PRKD2: variants seen among roughly 807,000 people sequenced by gnomAD.
The protein encoded by PRKD2 is protein kinase D2.
PRKD2 carries 22 observed loss-of-function variants against 86.0 expected under a neutral mutation model. The ratio of observed to expected loss-of-function variants is 0.26; its 90% confidence interval spans 0.18 to 0.37. The LOEUF (loss-of-function observed/expected upper bound fraction) is 0.37. PRKD2 is among the 10% of genes least tolerant of loss of function. The probability of loss-of-function intolerance (pLI) is 1.00; values close to 1 mark genes in which losing one functional copy is unlikely to be tolerated. For missense variants in PRKD2, 818 were observed against 1,199.2 expected, an observed-to-expected ratio of 0.68 and a Z score of 4.70; for synonymous variants, 509 against 510.9, an observed-to-expected ratio of 1.00 and a Z score of 0.05.
Position 46,704,525 on chromosome 19 carries a change from G to C in PRKD2, c.636C>G (p.Ser212=), listed in dbSNP as rs368413652. The C allele has an allele frequency of 1.2e-6, 2 of 1,614,144 alleles. No homozygotes were observed. Among genetic ancestry groups the C allele is most frequent in the East Asian group, 2.2e-5 (1 of 44,878 alleles). The change falls in exon 4 of 18, where the codon TCC becomes TCG. Residue 212 remains serine, a synonymous_variant. Transcript: ENST00000291281. ...ASGHSVRLGT[S]ESLPCTAEEL... is the part of the protein sequence containing the mutation. ...CTTCAGCCGTGCAGGGCAGGGACTC[G>C]GAGGTGCCGAGGCGCACCGAGTGGC...
intron 14 of PRKD2, among the ~76,000 whole-genome samples, chr19:46,682,733 T>G (rs1437018207): frequency 4.9e-5 from 7 of 144,246 alleles, no homozygotes; most frequent in Admixed American, 1.4e-4. Context: ...TGAGACAGAG[T>G]CTTGCTCTGT....
chr19:46,711,342 G>A (rs2053806374), intron 2 of PRKD2, among the ~76,000 whole-genome samples: 1 of 152,228 alleles, frequency 6.6e-6, no homozygotes, highest in Non-Finnish European at 1.5e-5. Flanking sequence ...AACAGTGTGC[G>A]TGAACTTTAA....
chr19:46,683,690 C>A (rs1250065551), intron 14 of PRKD2, among the ~76,000 whole-genome samples: 1 of 152,024 alleles, frequency 6.6e-6, no homozygotes, highest in Non-Finnish European at 1.5e-5. Flanking sequence ...TGCACTCCAG[C>A]CTGGGCGACA....
chr19:46,677,908 C>G (rs1017682520), intron 16 of PRKD2, among the ~76,000 whole-genome samples: 7 of 152,186 alleles, frequency 4.6e-5, no homozygotes, highest in African/African-American at 1.4e-4. Context: ...AAGTCACGGC[C>G]CCAGTACACA....
intron 14 of PRKD2, among the ~76,000 whole-genome samples, chr19:46,684,537 G>A (rs1011779274): frequency 2.6e-5 from 4 of 152,156 alleles, no homozygotes; most frequent in African/African-American, 9.6e-5. Flanking sequence ...GGCCAGGCTG[G>A]TCTCAAAACT....
Position 46,704,482 on chromosome 19 carries a change from C to T in PRKD2, c.666+13G>A. 2 of 1,614,172 alleles carry T rather than the reference C, an allele frequency of 1.2e-6. No individual in the cohort carries two copies. The highest frequency in any genetic ancestry group is 1.1e-5 in the South Asian group (1 of 91,086). ...CCCTAGCCACCAACCCGTCCCATCCCCCATCTCCTCACCAGCTCTTCAGCC... is the reference window on the plus strand; with the variant it reads ...CCCTAGCCACCAACCCGTCCCATCCTCCATCTCCTCACCAGCTCTTCAGCC... On this transcript the variant is annotated intron_variant, in intron 4 of 17. Transcript: ENST00000291281.
intron 3 of PRKD2, chr19:46,710,658 C>T (rs1310623184): frequency 4.0e-6 from 2 of 499,680 alleles, no homozygotes; most frequent in Admixed American, 3.3e-5. Context: ...TTCTTAAGCC[C>T]CTACTTGTCC....
In PRKD2 at chr19:46,678,788, T is replaced by C. The variant is rs2122556325; in HGVS notation, c.2071-125A>G. On this transcript the variant is annotated intron_variant, in intron 15 of 17. Coordinates refer to ENST00000291281, the MANE Select transcript of PRKD2 (RefSeq NM_016457.5). The surrounding 1 kb of genome is among the most constrained non-coding windows in gnomAD (Gnocchi z 5.7). ...GATGCTGGTTTGAATCCAGGCTCCT[T>C]GGCTCACTAGCTGAGCAACCCTGGG... 8.2e-7 allele frequency: 1 copy of C among 1,212,332 alleles called. No individual in the cohort carries two copies. Among genetic ancestry groups the C allele is most frequent in the Middle Eastern group, 2.5e-4 (1 of 4,042 alleles). The allele number at this position is 1,212,332 out of a possible 1,614,324, so 75.1% of individuals were successfully genotyped here. A position where few individuals can be genotyped will look rare whatever the true frequency, so the allele number is the denominator to read the frequency against.
At chr19:46,704,130 T>A (rs370991500) in intron 5 of PRKD2, 39 bp downstream of exon 5, 1 of 1,610,834 alleles carries the variant, frequency 6.2e-7, no homozygotes, top group African/African-American at 1.3e-5. Flanking sequence ...GGGAAGGAGG[T>A]TCTGACCCTG....
chr19:46,699,468 C>T (rs1407541895), intron 7 of PRKD2, among the ~76,000 whole-genome samples: 1 of 152,190 alleles, frequency 6.6e-6, no homozygotes, highest in Non-Finnish European at 1.5e-5. Context: ...TTCCAGTGCA[C>T]CTGTGAGGGT....
intron 9 of PRKD2, among the ~76,000 whole-genome samples, chr19:46,696,847 T>C (rs2053566002): frequency 6.6e-6 from 1 of 152,024 alleles, no homozygotes; most frequent in Non-Finnish European, 1.5e-5. Context: ...AGCCAATTGG[T>C]TTAGTGGATT....
At position 46,681,763 on chromosome 19, in the gene PRKD2, T is replaced by C. The variant is rs776490326; in HGVS notation, c.1972-15A>G. The C allele has an allele frequency of 1.9e-6, 3 of 1,569,442 alleles. No homozygotes were observed. The highest frequency in any genetic ancestry group is 2.6e-6 in the Non-Finnish European group (3 of 1,140,386). ...GCCACCAGGATCTGAGGGGAGCAGA[T>C]GGGCCCAGTAAGAAAGGTAGATAGG... On this transcript the variant is annotated splice_polypyrimidine_tract_variant and intron_variant, in intron 14 of 17. Transcript: ENST00000291281.
At chr19:46,704,944 G>T (rs2053692881) in intron 3 of PRKD2, among the ~76,000 whole-genome samples, 1 of 141,570 alleles carries the variant, frequency 7.1e-6, no homozygotes, top group African/African-American at 2.7e-5. Context: ...ACACCTCAAA[G>T]GCTCCCCCCA....
intron 3 of PRKD2, among the ~76,000 whole-genome samples, chr19:46,704,904 C>T (rs2053692098): frequency 1.3e-5 from 2 of 151,594 alleles, no homozygotes; most frequent in South Asian, 4.2e-4. Context: ...CCTGAACACA[C>T]CCACACCCCT....
rs1393513366 is a variant in PRKD2 at position 46,697,747 on chromosome 19, T to G, written c.1225A>C (p.Asn409His). ...CGGCCACTCACCAGCGTGTCCTTGT[T>G]GCTGTAATGAACCACCCAACCCTCC... ...LREGWVVHYS[N>H]KDTLRKRHYW... The change falls in exon 8 of 18, where the codon AAC becomes CAC. Residue 409 changes from asparagine (N) to histidine (H), a missense_variant. Transcript: ENST00000291281. The G allele has an allele frequency of 6.2e-7, 1 of 1,613,820 alleles. No homozygotes were observed.
At chr19:46,707,572 G>A (rs574347155) in intron 3 of PRKD2, among the ~76,000 whole-genome samples, 56 of 151,144 alleles carry the variant, frequency 3.7e-4, no homozygotes, top group Non-Finnish European at 6.4e-4. Flanking sequence ...CCTGGGTGAC[G>A]GAGCAAGACT....
chr19:46,674,832 T>C, intron 17 of PRKD2, 97 bp from the exon 18 acceptor site: 1 of 1,371,344 alleles, frequency 7.3e-7, no homozygotes, highest in Non-Finnish European at 9.9e-7. Flanking sequence ...CCAATGAAGG[T>C]GAAGCCATAC....
chr19:46,697,982 TCCC>T, intron 7 of PRKD2, 132 bp from the exon 8 acceptor site: 1 of 717,762 alleles, frequency 1.4e-6, no homozygotes. Context: ...TTTGACATTT[TCCC>T]CCCAACACAC....
chr19:46,698,026 G>T (rs1187465905), intron 7 of PRKD2, among the ~76,000 whole-genome samples, 176 bp from the exon 8 acceptor site: 1 of 151,798 alleles, frequency 6.6e-6, no homozygotes, highest in Non-Finnish European at 1.5e-5. Flanking sequence ...TTGTTTTTAA[G>T]AGGCTCGCTC....
Sources: allele counts gnomAD v4.1 joint callset (sites outside exome capture counted in the v4.1 genomes callset), GRCh38; gene constraint gnomAD v4.1.1; non-coding constraint Gnocchi (gnomAD v3.1); transcripts MANE v1.5; gene names NCBI Gene and HGNC (gene_info 2026-07-23, HGNC 2026-07-21).